The following ITGA8 variants were observed in gnomAD, a reference collection of about 807,000 sequenced individuals.
ITGA8 encodes the protein integrin alpha-8.
A neutral mutation model predicts 142.3 loss-of-function variants in ITGA8; 91 were observed. The observed-to-expected ratio is 0.64, with a 90% CI of 0.54 to 0.76. The LOEUF is 0.76. ITGA8 is among the 30% of genes least tolerant of loss of function. The pLI, the probability that ITGA8 is intolerant of heterozygous loss-of-function variation, is 0.00. For synonymous variants in ITGA8, 505 were observed against 485.2 expected (o/e 1.04, Z -0.54); for missense variants, 1,406 against 1,327.7 (o/e 1.06, Z -0.92).
At chr10:15,710,534 A>G (rs532262006) in intron 2 of ITGA8, among the ~76,000 whole-genome samples, 6 of 152,348 alleles carry the variant, frequency 3.9e-5, no homozygotes, top group African/African-American at 1.4e-4. Flanking sequence ...TCATTCTGGA[A>G]GACAAGATGT....
intron 2 of ITGA8, among the ~76,000 whole-genome samples, chr10:15,690,504 A>C (rs1273626409): frequency 6.6e-6 from 1 of 152,038 alleles, no homozygotes; most frequent in African/African-American, 2.4e-5. Context: ...CCCACACCTG[A>C]AGAGTGAACC....
At chr10:15,615,643 A>C (rs1294352781) in intron 14 of ITGA8, among the ~76,000 whole-genome samples, 1 of 152,116 alleles carries the variant, frequency 6.6e-6, no homozygotes, top group Non-Finnish European at 1.5e-5. Flanking sequence ...CCTCCCGAGT[A>C]GCTGGGATTA....
At chr10:15,583,014 A>G (rs748598664) in intron 23 of ITGA8, among the ~76,000 whole-genome samples, 15 of 152,252 alleles carry the variant, frequency 9.9e-5, no homozygotes, top group Non-Finnish European at 2.1e-4. Flanking sequence ...ATGTTCACCA[A>G]TGAGTGAATG....
chr10:15,628,895 C>T (rs572063647), intron 13 of ITGA8, among the ~76,000 whole-genome samples: 3 of 151,964 alleles, frequency 2.0e-5, no homozygotes, highest in South Asian at 2.1e-4. Flanking sequence ...ATTAACTGTG[C>T]GAGTACTTTA....
intron 2 of ITGA8, among the ~76,000 whole-genome samples, chr10:15,689,759 C>G (rs1834898592): frequency 6.6e-6 from 1 of 152,196 alleles, no homozygotes; most frequent in Non-Finnish European, 1.5e-5. Context: ...CTCACACAGA[C>G]ACACAGCGTG....
At position 15,521,094 on chromosome 10, in the gene ITGA8, C is replaced by T. The variant is rs1315821925; in HGVS notation, c.2983-1682G>A. On this transcript the variant is annotated intron_variant, in intron 28 of 29. Coordinates refer to ENST00000378076, the MANE Select transcript of ITGA8 (RefSeq NM_003638.3). ...AGTGCAATGGCACGATCTTGGCTCA[C>T]TGCAACTTCCACCTCCCAGGTTCAA... Among the ~76,000 whole-genome samples, 3 of 152,344 alleles carry T rather than the reference C, an allele frequency of 2.0e-5. No individual in the cohort carries two copies. The East Asian group carries it at 5.8e-4, about 29-fold the overall frequency.
At chr10:15,663,501 A>G (rs888360065) in intron 8 of ITGA8, among the ~76,000 whole-genome samples, 1 of 152,012 alleles carries the variant, frequency 6.6e-6, no homozygotes, top group Non-Finnish European at 1.5e-5. Context: ...TCCCTACAAT[A>G]TACTCTTGTG....
intron 11 of ITGA8, among the ~76,000 whole-genome samples, chr10:15,653,797 A>G (rs888469775): frequency 1.4e-4 from 21 of 151,452 alleles, no homozygotes; most frequent in African/African-American, 4.8e-4. Flanking sequence ...ATATGCAGTT[A>G]AAGTTCCTTT....
At chr10:15,624,373 C>G (rs775609148) in intron 13 of ITGA8, among the ~76,000 whole-genome samples, 9 of 152,158 alleles carry the variant, frequency 5.9e-5, no homozygotes, top group Non-Finnish European at 1.3e-4. Context: ...TTAAGTTTCT[C>G]TAGATGAGAA....
intron 24 of ITGA8, among the ~76,000 whole-genome samples, chr10:15,573,147 G>A (rs1834218195): frequency 6.6e-6 from 1 of 151,856 alleles, no homozygotes; most frequent in Admixed American, 6.6e-5. Flanking sequence ...CTTATTAGAT[G>A]GCCTATTTAA....
chr10:15,637,321 C>T (rs1359701182), intron 13 of ITGA8, among the ~76,000 whole-genome samples: 2 of 152,066 alleles, frequency 1.3e-5, no homozygotes, highest in African/African-American at 4.8e-5. Flanking sequence ...AAAATCCTCT[C>T]CCGCCCTAGA....
At chr10:15,553,128 G>A (rs1219431098) in intron 26 of ITGA8, among the ~76,000 whole-genome samples, 1 of 152,052 alleles carries the variant, frequency 6.6e-6, no homozygotes, top group Non-Finnish European at 1.5e-5. Context: ...ATGGTGGTGG[G>A]CACCTGTAGT....
chr10:15,689,125 TAAAC>T (rs1159793470), intron 2 of ITGA8, among the ~76,000 whole-genome samples: 10 of 152,256 alleles, frequency 6.6e-5, no homozygotes, highest in African/African-American at 1.7e-4. Flanking sequence ...TTGAAAATGA[TAAAC>T]AAATCCAGTA....
rs571249273 is a variant in ITGA8 at position 15,548,246 on chromosome 10, C to G, written c.2880+209G>C. On this transcript the variant is annotated intron_variant, in intron 27 of 29. Coordinates refer to ENST00000378076, the MANE Select transcript of ITGA8 (RefSeq NM_003638.3). Reference sequence around the variant, plus strand: ...AGCTGGGACCACTGGTGTTCACCACCAAGACCAGCTAATTTTTCTATTTTT... The same window carrying G: ...AGCTGGGACCACTGGTGTTCACCACGAAGACCAGCTAATTTTTCTATTTTT... Among the ~76,000 whole-genome samples, 34 of 152,222 alleles carry G rather than the reference C, an allele frequency of 2.2e-4. No individual in the cohort carries two copies. In the South Asian group the frequency reaches 6.8e-3, roughly 31 times the overall value.
chr10:15,597,318 G>T lies in ITGA8; in HGVS notation c.2119-19C>A. ...GAAATCCCTACAATTGCAAAGAACA[G>T]GGGGTTTAGGGGGCAGGATAAATGA... On this transcript the variant is annotated intron_variant, in intron 20 of 29. Coordinates refer to ENST00000378076, the MANE Select transcript of ITGA8 (RefSeq NM_003638.3). The T allele has an allele frequency of 1.3e-6, 2 of 1,584,664 alleles. No homozygotes were observed. Among genetic ancestry groups the T allele is most frequent in the Non-Finnish European group, 1.7e-6 (2 of 1,152,992 alleles).
intron 2 of ITGA8, among the ~76,000 whole-genome samples, chr10:15,699,865 A>T (rs978297293): frequency 6.6e-6 from 1 of 152,174 alleles, no homozygotes; most frequent in Non-Finnish European, 1.5e-5. Context: ...ATGACCATGG[A>T]ATGGTACCTC....
intron 4 of ITGA8, among the ~76,000 whole-genome samples, chr10:15,683,300 TCCACCCACCCAC>T (rs58724602): frequency 8.5e-5 from 12 of 140,632 alleles, no homozygotes; most frequent in African/African-American, 3.3e-4. Context: ...CATCCACCCA[TCCACCCACCCAC>T]CCACCCACCC....
chr10:15,689,329 A>G (rs572504198), intron 2 of ITGA8, among the ~76,000 whole-genome samples: 1 of 152,340 alleles, frequency 6.6e-6, no homozygotes, highest in East Asian at 1.9e-4. Context: ...TCGCTGGAGA[A>G]CAGCAAGGGA....
chr10:15,536,271 G>A (rs7909694), intron 27 of ITGA8, among the ~76,000 whole-genome samples: 30,128 of 151,982 alleles, frequency 0.2, 4,040 homozygotes, highest in African/African-American at 0.38. Flanking sequence ...TCAAAAGTAA[G>A]GTTTCTTCCA....
Sources: gnomAD v4.1 joint callset for allele counts (sites outside exome capture counted in the v4.1 genomes callset) on GRCh38, gnomAD v4.1.1 for gene constraint, MANE v1.5 for transcripts, NCBI Gene and HGNC (gene_info 2026-07-23, HGNC 2026-07-21) for gene names.